Variants in PITPNM3 observed in about 807,000 individuals in gnomAD.
PITPNM3 encodes PITPNM family member 3, also known as membrane-associated phosphatidylinositol transfer protein 3.
In PITPNM3, 26 loss-of-function variants were observed where a neutral mutation model predicts 102.0. The observed-to-expected ratio is 0.25, with a 90% CI of 0.19 to 0.35. The LOEUF is 0.35. PITPNM3 is among the 10% of genes least tolerant of loss of function. The pLI, the probability that PITPNM3 is intolerant of heterozygous loss-of-function variation, is 1.00. For missense variants in PITPNM3, 1,083 were observed against 1,346.1 expected, an observed-to-expected ratio of 0.80 and a Z score of 3.06; for synonymous variants, 578 against 558.6, an observed-to-expected ratio of 1.03 and a Z score of -0.49.
chr17:6,542,378 C>T (rs1909777083), intron 1 of PITPNM3, among the ~76,000 whole-genome samples: 1 of 152,122 alleles, frequency 6.6e-6, no homozygotes, highest in Admixed American at 6.5e-5. Context: ...GTGAGCTTAC[C>T]CACTTGCCAG....
intron 3 of PITPNM3, among the ~76,000 whole-genome samples, chr17:6,512,732 G>A (rs549470012): frequency 1.3e-5 from 2 of 152,270 alleles, no homozygotes; most frequent in South Asian, 4.1e-4. Flanking sequence ...GAATGCTAGA[G>A]GCAGAGAAAT....
rs2150713926 is a variant in PITPNM3, at chr17:6,458,935, T to C, written c.2491-1213A>G. On this transcript the variant is annotated intron_variant, in intron 18 of 19. Coordinates refer to ENST00000262483, the MANE Select transcript of PITPNM3 (RefSeq NM_031220.4). This position sits in a 1 kb window ranked among gnomAD's most constrained non-coding sequence, Gnocchi z 5.1. ...CTTCTTCCTGTCCTTCCCTGAGCCCTACCCCATCCTGCAGGTGACTGCCTT... is the reference window on the plus strand; with the variant it reads ...CTTCTTCCTGTCCTTCCCTGAGCCCCACCCCATCCTGCAGGTGACTGCCTT... Among the ~76,000 whole-genome samples, 1 of 152,082 alleles carries C rather than the reference T, an allele frequency of 6.6e-6. No individual in the cohort carries two copies. The highest frequency in any genetic ancestry group is 2.4e-5 in the African/African-American group (1 of 41,488).
rs149323286 is a variant in PITPNM3, at chr17:6,477,084, C to A, written c.1030G>T (p.Asp344Tyr). ...GCCTCGCAGTCATAGGTGGAGGAGT[C>A]GCTCTGTTTCCGCGGCAACGGCCTC... Reference protein sequence around the residue: ...PKRPLPRKQSDSSTYDCEAIT... With the variant: ...PKRPLPRKQSYSSTYDCEAIT... The change falls in exon 9 of 20, where the codon GAC becomes TAC. Residue 344 changes from aspartate to tyrosine, a missense_variant. Around this residue, in one of 5 missense-constraint regions of PITPNM3, gnomAD observed 172 missense variants for 175.6 expected, o/e 0.98. Transcript: ENST00000262483. The A allele has an allele frequency of 8.7e-6, 14 of 1,613,998 alleles. No individual in the cohort carries two copies. The highest frequency in any genetic ancestry group is 1.1e-5 in the Non-Finnish European group (13 of 1,180,026).
chr17:6,498,263 G>A (rs1053027358), intron 4 of PITPNM3, among the ~76,000 whole-genome samples: 7 of 152,338 alleles, frequency 4.6e-5, no homozygotes, highest in Non-Finnish European at 7.3e-5. Context: ...TGTCTCCTCC[G>A]CAGAGATGGA....
intron 19 of PITPNM3, 54 bp from the exon 20 acceptor site, chr17:6,455,697 G>GAAGGGGA: frequency 1.2e-6 from 1 of 831,208 alleles, no homozygotes; most frequent in Non-Finnish European, 1.7e-6. Flanking sequence ...CAGCGCAGGG[G>GAAGGGGA]GAAGAAGGGA....
rs1410668651 is a variant in PITPNM3 at position 6,517,254 on chromosome 17, T to C, written c.226+8102A>G. On this transcript the variant is annotated intron_variant, in intron 3 of 19. Transcript: ENST00000262483. The surrounding 1 kb of genome is among the most constrained non-coding windows in gnomAD (Gnocchi z 4.1). ...TACAAAGGGCAAATTTTACTGAATATAAATCATAGCTCAAAATACTTAACC... is the reference window on the plus strand; with the variant it reads ...TACAAAGGGCAAATTTTACTGAATACAAATCATAGCTCAAAATACTTAACC... Among the ~76,000 whole-genome samples the C allele has an allele frequency of 1.3e-5, 2 of 152,166 alleles. No individual in the cohort carries two copies. Among genetic ancestry groups the C allele is most frequent in the African/African-American group, 2.4e-5 (1 of 41,422 alleles).
At position 6,499,714 on chromosome 17, in the gene PITPNM3, T is replaced by C. The variant is rs553165071; in HGVS notation, c.274+3813A>G. Among the ~76,000 whole-genome samples, 311 of 151,702 alleles carry C rather than the reference T, an allele frequency of 2.1e-3. 3 individuals are homozygous for C. The highest frequency in any genetic ancestry group is 7.2e-3 in the African/African-American group (297 of 41,318). On this transcript the variant is annotated intron_variant, in intron 4 of 19. Coordinates refer to ENST00000262483, the MANE Select transcript of PITPNM3 (RefSeq NM_031220.4). ...TATGGCCATCTTTTCTTTTATTTAT[T>C]TATTTATTTATTTATTTATATTTTA... is the stretch of plus-strand genomic sequence containing the variant.
At position 6,505,584 on chromosome 17, in the gene PITPNM3, C is replaced by T. The variant is rs75687932; in HGVS notation, c.227-2010G>A. On this transcript the variant is annotated intron_variant, in intron 3 of 19. Transcript: ENST00000262483. ...CAGAAACAAGGAATGACCCAGTATC[C>T]AATACACAGGTCAGGGAGCGAAGAC... 0.011 allele frequency among the ~76,000 whole-genome samples: 1,678 copies of T among 152,266 alleles called. 86 individuals carry two copies. In the East Asian group the frequency reaches 0.16, roughly 15 times the overall value.
intron 15 of PITPNM3, 116 bp downstream of exon 15, chr17:6,464,539 G>A: frequency 8.4e-7 from 1 of 1,193,224 alleles, no homozygotes; most frequent in Non-Finnish European, 1.2e-6. Flanking sequence ...CTGGCCCTGT[G>A]CTTCCACCCC....
At chr17:6,471,645 G>T (rs928527692) in intron 11 of PITPNM3, among the ~76,000 whole-genome samples, 1 of 152,194 alleles carries the variant, frequency 6.6e-6, no homozygotes, top group Non-Finnish European at 1.5e-5. Flanking sequence ...CTCCAATAAA[G>T]CTGCAGAGGG....
Position 6,471,144 on chromosome 17 carries a change from A to C in PITPNM3, c.1624+17T>G. Reference sequence around the variant, plus strand: ...CTCCCCCGAATCCAGGCAGGGCCCCAAAAGGACCTCACTCACTGCGGGAGG... The same window carrying C: ...CTCCCCCGAATCCAGGCAGGGCCCCCAAAGGACCTCACTCACTGCGGGAGG... On this transcript the variant is annotated intron_variant, in intron 12 of 19. Coordinates refer to ENST00000262483, the MANE Select transcript of PITPNM3 (RefSeq NM_031220.4). 6.2e-7 allele frequency: 1 copy of C among 1,611,486 alleles called. No individual in the cohort carries two copies. Among genetic ancestry groups the C allele is most frequent in the Non-Finnish European group, 8.5e-7 (1 of 1,179,830 alleles).
chr17:6,495,281 GT>G (rs957530260), intron 4 of PITPNM3, among the ~76,000 whole-genome samples: 34 of 151,342 alleles, frequency 2.2e-4, no homozygotes, highest in African/African-American at 8.0e-4. Flanking sequence ...TAGCAGGGTG[GT>G]TTTTTTTTAG....
intron 2 of PITPNM3, among the ~76,000 whole-genome samples, chr17:6,527,117 C>A (rs1225033416): frequency 6.6e-6 from 1 of 152,220 alleles, no homozygotes; most frequent in Non-Finnish European, 1.5e-5. Context: ...ACAATAACGA[C>A]TCAGGGTCTA....
At chr17:6,543,178 G>A (rs1909819671) in intron 1 of PITPNM3, among the ~76,000 whole-genome samples, 1 of 152,188 alleles carries the variant, frequency 6.6e-6, no homozygotes, top group Non-Finnish European at 1.5e-5. Flanking sequence ...GCTGCTGGAA[G>A]CCATCCCCAC....
intron 3 of PITPNM3, among the ~76,000 whole-genome samples, chr17:6,505,218 A>ATATATATATATATAT (rs1555556418): frequency 6.9e-6 from 1 of 145,912 alleles, no homozygotes; most frequent in African/African-American, 2.6e-5. Flanking sequence ...ATATATATGT[A>ATATATATATATATAT]AAGCCTTCAG....
intron 1 of PITPNM3, among the ~76,000 whole-genome samples, chr17:6,548,199 G>A (rs933738047): frequency 1.2e-4 from 18 of 152,162 alleles, no homozygotes; most frequent in African/African-American, 4.3e-4. Flanking sequence ...CATACCACCT[G>A]CCACTGCTGG....
intron 3 of PITPNM3, among the ~76,000 whole-genome samples, chr17:6,512,292 A>G (rs1445676862): frequency 2.0e-5 from 3 of 152,174 alleles, no homozygotes. Flanking sequence ...TATTCCTATC[A>G]CTCAGAGATA....
chr17:6,475,259 A>G (rs1029201135), intron 9 of PITPNM3, among the ~76,000 whole-genome samples: 3 of 152,158 alleles, frequency 2.0e-5, no homozygotes, highest in African/African-American at 7.2e-5. Context: ...AATGTGAGAC[A>G]CACAGAATTC....
Position 6,469,375 on chromosome 17 carries a change from G to A in PITPNM3, c.1773+885C>T, listed in dbSNP as rs946623750. Among the ~76,000 whole-genome samples the A allele has an allele frequency of 1.1e-4, 17 of 151,856 alleles. No individual in the cohort carries two copies. Among genetic ancestry groups the A allele is most frequent in the Non-Finnish European group, 1.6e-4 (11 of 67,884 alleles). On this transcript the variant is annotated intron_variant, in intron 13 of 19. Coordinates refer to ENST00000262483, the MANE Select transcript of PITPNM3 (RefSeq NM_031220.4). The surrounding 1 kb of genome is among the most constrained non-coding windows in gnomAD (Gnocchi z 4.0). ...GGAGCACCCTGGCCTGGGTGCCACC[G>A]GGCTGGGGACCCACCCCCAGCCCAG...
Sources: gnomAD v4.1 joint callset for allele counts (sites outside exome capture counted in the v4.1 genomes callset) on GRCh38, gnomAD v4.1.1 for gene constraint, gnomAD v4.1.1 regional missense constraint, Gnocchi (gnomAD v3.1) non-coding constraint, MANE v1.5 for transcripts, NCBI Gene and HGNC (gene_info 2026-07-23, HGNC 2026-07-21) for gene names.